OSBPL1A: variants seen among roughly 807,000 people sequenced by gnomAD.
The protein encoded by OSBPL1A is oxysterol-binding protein-related protein 1.
OSBPL1A carries 80 observed loss-of-function variants against 137.1 expected under a neutral mutation model. The observed-to-expected ratio is 0.58, with a 90% CI of 0.49 to 0.70. The LOEUF is 0.70. Ranked by LOEUF, OSBPL1A falls within the 30% of genes least tolerant of loss-of-function variation. The pLI, the probability that OSBPL1A is intolerant of heterozygous loss-of-function variation, is 0.00. For missense variants in OSBPL1A, 970 were observed against 1,129.4 expected (o/e 0.86, Z 2.02); for synonymous variants, 365 against 389.7 (o/e 0.94, Z 0.75).
intron 18 of OSBPL1A, among the ~76,000 whole-genome samples, chr18:24,189,265 T>C (rs370253894): frequency 3.9e-5 from 6 of 152,188 alleles, no homozygotes; most frequent in South Asian, 2.1e-4. Flanking sequence ...ATTGAAAATA[T>C]TGTATAAATG....
chr18:24,225,334 T>G, intron 16 of OSBPL1A, 136 bp from the exon 17 acceptor site: 2 of 800,360 alleles, frequency 2.5e-6, no homozygotes, highest in Non-Finnish European at 3.9e-6. Context: ...ATCTGTTAAC[T>G]ACCTCCTCAG....
At position 24,271,604 on chromosome 18, in the gene OSBPL1A, G is replaced by A. The variant is rs1202116487; in HGVS notation, c.1281+9238C>T. 3.0e-6 allele frequency: 3 copies of A among 986,406 alleles called. No homozygotes were observed. The highest frequency in any genetic ancestry group is 3.6e-6 in the Non-Finnish European group (3 of 830,842). The allele number at this position is 986,406 out of a possible 1,614,324, so 61.1% of individuals were successfully genotyped here. A position where few individuals can be genotyped will look rare whatever the true frequency, so the allele number is the denominator to read the frequency against. On this transcript the variant is annotated intron_variant, in intron 15 of 27. Transcript: ENST00000319481. The surrounding 1 kb of genome is among the most constrained non-coding windows in gnomAD (Gnocchi z 4.0). ...GGCTGCCCCGCAAAGCCACCGAGCT[G>A]CAAATACACCCACCTACCTGGGCCA...
chr18:24,167,553 G>T, intron 24 of OSBPL1A, 108 bp from the exon 25 acceptor site: 1 of 872,968 alleles, frequency 1.1e-6, no homozygotes, highest in Non-Finnish European at 1.9e-6. Flanking sequence ...TATGATGGCA[G>T]TCCCCTAAGG....
intron 5 of OSBPL1A, among the ~76,000 whole-genome samples, chr18:24,341,300 C>T (rs2091269607): frequency 6.6e-6 from 1 of 152,164 alleles, no homozygotes. Context: ...AGCCACCGCA[C>T]CCAGCCTGAA....
chr18:24,242,737 A>C (rs1435267933), intron 15 of OSBPL1A, among the ~76,000 whole-genome samples: 1 of 152,234 alleles, frequency 6.6e-6, no homozygotes, highest in Non-Finnish European at 1.5e-5. Flanking sequence ...TACAGCTGTG[A>C]TAATGAAATA....
At chr18:24,344,293 T>A (rs140582786) in intron 4 of OSBPL1A, among the ~76,000 whole-genome samples, 2,185 of 152,000 alleles carry the variant, frequency 0.014, 47 homozygotes, top group African/African-American at 0.044. Flanking sequence ...CTACCAAAAA[T>A]ACAAAAATTA....
intron 17 of OSBPL1A, among the ~76,000 whole-genome samples, chr18:24,215,532 A>AT (rs972543876): frequency 1.1e-4 from 17 of 152,062 alleles, no homozygotes; most frequent in Non-Finnish European, 2.2e-4. Context: ...TTACCTTGCA[A>AT]TTTTTTTATT....
chr18:24,394,437 T>C (rs999902333), intron 1 of OSBPL1A, among the ~76,000 whole-genome samples: 1 of 152,216 alleles, frequency 6.6e-6, no homozygotes, highest in Non-Finnish European at 1.5e-5. Context: ...TAAGCACTAA[T>C]TCCTAGATGC....
intron 4 of OSBPL1A, among the ~76,000 whole-genome samples, chr18:24,352,998 T>C (rs552366500): frequency 1.3e-5 from 2 of 152,286 alleles, no homozygotes; most frequent in African/African-American, 4.8e-5. Context: ...ATTCAGGACA[T>C]AGGCATGGGC....
intron 3 of OSBPL1A, 193 bp downstream of exon 3, chr18:24,368,094 A>G (rs1905291599): frequency 5.1e-6 from 2 of 388,658 alleles, no homozygotes; most frequent in East Asian, 3.8e-5. Context: ...ATGATTAAAC[A>G]TACAATTTTA....
At chr18:24,210,535 C>CTTTT (rs11355890) in intron 17 of OSBPL1A, among the ~76,000 whole-genome samples, 3 of 143,128 alleles carry the variant, frequency 2.1e-5, no homozygotes, top group Non-Finnish European at 1.5e-5. Flanking sequence ...TTTTCTTTTT[C>CTTTT]TTTTTTTTTT....
chr18:24,377,502 T>C lies in OSBPL1A; in HGVS notation c.32A>G (p.His11Arg), dbSNP rs747923646. The C allele has an allele frequency of 1.9e-6, 3 of 1,610,782 alleles. No individual in the cohort carries two copies. The South Asian group carries it at 3.3e-5, about 18-fold the overall frequency. The change falls in exon 2 of 28, where the codon CAT (histidine) becomes CGT (arginine). Residue 11 changes from histidine (H) to arginine (R), a missense_variant. Coordinates refer to ENST00000319481, the MANE Select transcript of OSBPL1A (RefSeq NM_080597.4). ...TTCAGCATTGCCATTTCTGGCGTGA[T>C]GGAGAAGCTGTTGCTCCGCTTCTGT... MNTEAEQQLL[H>R]HARNGNAEEV...
In OSBPL1A at chr18:24,166,718, A is replaced by G; in HGVS notation, c.2536-16T>C. 1 of 1,602,916 alleles carries G rather than the reference A, an allele frequency of 6.2e-7. No individual in the cohort carries two copies. Among genetic ancestry groups the G allele is most frequent in the Admixed American group, 1.8e-5 (1 of 56,850 alleles). On this transcript the variant is annotated splice_polypyrimidine_tract_variant and intron_variant, in intron 25 of 27. Coordinates refer to ENST00000319481, the MANE Select transcript of OSBPL1A (RefSeq NM_080597.4). ...AATTATACATCTGAAAAGAAGCAAA[A>G]GGAAGAAATTAAAATATGCCAAGGC...
intron 13 of OSBPL1A, among the ~76,000 whole-genome samples, chr18:24,308,563 G>A (rs567446762): frequency 1.3e-5 from 2 of 151,356 alleles, no homozygotes; most frequent in South Asian, 4.2e-4. Flanking sequence ...AGATCCTACA[G>A]AATCAAGACA....
chr18:24,171,564 G>A, intron 22 of OSBPL1A, 66 bp from the exon 23 acceptor site: 1 of 1,253,368 alleles, frequency 8.0e-7, no homozygotes, highest in Non-Finnish European at 1.2e-6. Context: ...AAAAATAACT[G>A]TGATCACTTT....
At chr18:24,354,098 A>C (rs949489125) in intron 4 of OSBPL1A, among the ~76,000 whole-genome samples, 1 of 152,090 alleles carries the variant, frequency 6.6e-6, no homozygotes, top group Admixed American at 6.6e-5. Flanking sequence ...GAAAAACAAC[A>C]ATTAGTGACA....
intron 1 of OSBPL1A, among the ~76,000 whole-genome samples, chr18:24,387,513 C>T (rs537598870): frequency 6.6e-6 from 1 of 152,072 alleles, no homozygotes; most frequent in African/African-American, 2.4e-5. Context: ...TCTTTATATT[C>T]CTTTCAGCTA....
rs1276348313 is a variant in OSBPL1A, at chr18:24,366,962, C to A, written c.212G>T (p.Gly71Val). Reference sequence around the variant, plus strand: ...GTCATTCAACACATTCACTTCTGCACCAGCCTAGTAAACATGACCACTTTA... The same window carrying A: ...GTCATTCAACACATTCACTTCTGCAACAGCCTAGTAAACATGACCACTTTA... ...RQVVQDLLKAGAEVNVLNDMG... is the reference protein window; with the variant it reads ...RQVVQDLLKAVAEVNVLNDMG... Residue 71 changes from glycine to valine, a missense_variant, in exon 4 of 28, where the codon GGT becomes GTT. This residue lies in a region of OSBPL1A where 647 missense variants were observed against 672.6 expected (regional missense o/e 0.96). Transcript: ENST00000319481. The A allele has an allele frequency of 3.1e-6, 5 of 1,609,344 alleles. No individual in the cohort carries two copies. The highest frequency in any genetic ancestry group is 4.2e-6 in the Non-Finnish European group (5 of 1,177,814).
intron 13 of OSBPL1A, among the ~76,000 whole-genome samples, chr18:24,310,348 C>T (rs765943163): frequency 2.1e-5 from 3 of 145,232 alleles, no homozygotes; most frequent in Non-Finnish European, 4.5e-5. Flanking sequence ...CAGCACTTTG[C>T]GGGGACGAGG....
Sources: gnomAD v4.1 joint callset for allele counts (sites outside exome capture counted in the v4.1 genomes callset) on GRCh38, gnomAD v4.1.1 for gene constraint, gnomAD v4.1.1 regional missense constraint, Gnocchi (gnomAD v3.1) non-coding constraint, MANE v1.5 for transcripts, NCBI Gene and HGNC (gene_info 2026-07-23, HGNC 2026-07-21) for gene names.